Variants in ZNF181 observed in about 807,000 individuals in gnomAD.
ZNF181 encodes the protein zinc finger protein 181 (HHZ181).
In ZNF181, 8 loss-of-function variants were observed where a neutral mutation model predicts 11.9. The observed-to-expected ratio is 0.67, with a 90% CI of 0.39 to 1.21. ZNF181 has a LOEUF of 1.21. Among genes scored for constraint, ZNF181 ranks in the 50% most tolerant of loss-of-function variants. The pLI is 0.01. For missense variants in ZNF181, 542 were observed against 670.9 expected (o/e 0.81, Z 2.12); for synonymous variants, 202 against 221.1 (o/e 0.91, Z 0.77).
chr19:34,741,311 C>A lies in ZNF181; in HGVS notation c.930C>A (p.Asn310Lys). The change falls in exon 4 of 4, where the codon AAC becomes AAA. Residue 310 changes from asparagine to lysine, a missense_variant. Coordinates refer to ENST00000492450, the MANE Select transcript of ZNF181 (RefSeq NM_001029997.4). ...TTAGCCATGTCTCATCACTTACTAA[C>A]CATCAGAGCACTCACACTGGAGAGA... ...KAFSHVSSLT[N>K]HQSTHTGEKP... 1 of 1,613,862 alleles carries A rather than the reference C, an allele frequency of 6.2e-7. No individual in the cohort carries two copies. The highest frequency in any genetic ancestry group is 1.1e-5 in the South Asian group (1 of 91,070).
rs746230474 is a variant in ZNF181, at chr19:34,741,810, C to T, written c.1429C>T (p.Leu477Phe). 2.5e-6 allele frequency: 4 copies of T among 1,613,774 alleles called. No individual in the cohort carries two copies. The highest frequency in any genetic ancestry group is 3.4e-6 in the Non-Finnish European group (4 of 1,179,906). ...AGCCTTTAGTCATAGGTCATCCCTGCTTCAACATCACAGAATTCATACTGG... is the reference window on the plus strand; with the variant it reads ...AGCCTTTAGTCATAGGTCATCCCTGTTTCAACATCACAGAATTCATACTGG... ...GKAFSHRSSL[L>F]QHHRIHTGEK... The change falls in exon 4 of 4, where the codon CTT becomes TTT. Residue 477 changes from leucine (L) to phenylalanine (F), a missense_variant. Physicochemically the swap from Leu to Phe is conservative, Grantham distance 22 (BLOSUM62 0). Coordinates refer to ENST00000492450, the MANE Select transcript of ZNF181 (RefSeq NM_001029997.4).
intron 1 of ZNF181, among the ~76,000 whole-genome samples, chr19:34,737,196 CTG>C (rs922549129): frequency 5.3e-4 from 81 of 152,312 alleles, no homozygotes; most frequent in African/African-American, 1.9e-3. Context: ...AGTAATAAAA[CTG>C]TGTTCTTTTT....
intron 1 of ZNF181, chr19:34,736,277 C>G: frequency 1.5e-6 from 1 of 669,806 alleles, no homozygotes; most frequent in Non-Finnish European, 2.7e-6. Flanking sequence ...AATTGAAAAA[C>G]TGGTGTGGTG....
intron 2 of ZNF181, 111 bp from the exon 3 acceptor site, chr19:34,739,412 C>T (rs2068934884): frequency 3.2e-6 from 5 of 1,565,480 alleles, no homozygotes; most frequent in Admixed American, 3.5e-5. Flanking sequence ...CTGCCTGAAG[C>T]TTATCTTTCC....
At chr19:34,735,504 C>T (rs1214983196) in intron 1 of ZNF181, among the ~76,000 whole-genome samples, 5 of 152,118 alleles carry the variant, frequency 3.3e-5, no homozygotes, top group Non-Finnish European at 7.4e-5. Flanking sequence ...ACTACCACCC[C>T]GGTAGTGATA....
rs771879683 is a variant in ZNF181 at position 34,742,124 on chromosome 19, T to C, written c.*27T>C. The C allele has an allele frequency of 1.4e-5, 21 of 1,512,562 alleles. No homozygotes were observed. Among genetic ancestry groups the C allele is most frequent in the Non-Finnish European group, 1.8e-5 (20 of 1,132,806 alleles). The allele number at this position is 1,512,562 out of a possible 1,614,324, so 93.7% of individuals were successfully genotyped here. A position where few individuals can be genotyped will look rare whatever the true frequency, so the allele number is the denominator to read the frequency against. On this transcript the variant is annotated 3_prime_UTR_variant, in exon 4 of 4. Coordinates refer to ENST00000492450, the MANE Select transcript of ZNF181 (RefSeq NM_001029997.4). Reference sequence around the variant, plus strand: ...GCAGTGGTTATCATGGTAAATTTCCTAGATTCTCCCTTATTTAACATTAGA... The same window carrying C: ...GCAGTGGTTATCATGGTAAATTTCCCAGATTCTCCCTTATTTAACATTAGA...
At position 34,742,233 on chromosome 19, in the gene ZNF181, G is replaced by A. The variant is rs2068992069; in HGVS notation, c.*136G>A. 18 of 808,384 alleles carry A rather than the reference G, an allele frequency of 2.2e-5. No homozygotes were observed. The allele number at this position is 808,384 out of a possible 1,614,324, so 50.1% of individuals were successfully genotyped here. A position where few individuals can be genotyped will look rare whatever the true frequency, so the allele number is the denominator to read the frequency against. On this transcript the variant is annotated 3_prime_UTR_variant, in exon 4 of 4. Transcript: ENST00000492450. ...AAGATGCAGGCCAGTTTGTTTATTA[G>A]ACTTTATACTGTAGAGAAATCATAT...
intron 2 of ZNF181, 95 bp from the exon 3 acceptor site, chr19:34,739,428 G>A (rs2068935074): frequency 6.4e-6 from 10 of 1,573,104 alleles, no homozygotes; most frequent in Admixed American, 3.5e-5. Flanking sequence ...TTTCCATTTC[G>A]ATGAATACCC....
intron 1 of ZNF181, 34 bp from the exon 2 acceptor site, chr19:34,739,114 C>T (rs779772124): frequency 6.2e-7 from 1 of 1,612,780 alleles, no homozygotes; most frequent in East Asian, 2.2e-5. Flanking sequence ...GAGGCCTGGG[C>T]TATGGCTGAG....
At chr19:34,735,578 C>T (rs539121600) in intron 1 of ZNF181, among the ~76,000 whole-genome samples, 9 of 152,316 alleles carry the variant, frequency 5.9e-5, no homozygotes, top group Non-Finnish European at 8.8e-5. Context: ...CTGCCCTTAA[C>T]CCTCATCAGT....
In ZNF181 at chr19:34,741,390, A is replaced by G. The variant is rs752178130; in HGVS notation, c.1009A>G (p.Ile337Val). 11 of 1,613,778 alleles carry G rather than the reference A, an allele frequency of 6.8e-6. No homozygotes were observed. The Admixed American group carries it at 1.7e-4, about 24-fold the overall frequency. The part of the protein sequence containing the change: ...GKSFSRVSHL[I>V]EHLRIHTQEK... Reference sequence around the variant, plus strand: ...GTCTTTTAGTCGTGTGTCCCATCTTATTGAACATCTAAGAATTCATACTCA... The same window carrying G: ...GTCTTTTAGTCGTGTGTCCCATCTTGTTGAACATCTAAGAATTCATACTCA... Residue 337 changes from isoleucine to valine, a missense_variant, in exon 4 of 4, where the codon ATT becomes GTT. Ile to Val is a conservative substitution (Grantham distance 29, BLOSUM62 3). Transcript: ENST00000492450.
At chr19:34,738,547 TTTG>T (rs1333083546) in intron 1 of ZNF181, among the ~76,000 whole-genome samples, 6 of 151,896 alleles carry the variant, frequency 4.0e-5, no homozygotes, top group African/African-American at 1.5e-4. Flanking sequence ...TTTTTTTGTT[TTTG>T]TTTTTTTTTT....
chr19:34,741,280 A>G lies in ZNF181; in HGVS notation c.899A>G (p.Lys300Arg). Residue 300 changes from lysine to arginine, a missense_variant, in exon 4 of 4, where the codon AAG (lysine) becomes AGG (arginine). Physicochemically the swap from Lys to Arg is conservative, Grantham distance 26. Coordinates refer to ENST00000492450, the MANE Select transcript of ZNF181 (RefSeq NM_001029997.4). ...EKPYKCIECG[K>R]AFSHVSSLTN... ...CCTTACAAATGTATTGAATGTGGGA[A>G]GGCCTTTAGCCATGTCTCATCACTT... is the stretch of plus-strand genomic sequence containing the variant. 2 of 1,613,852 alleles carry G rather than the reference A, an allele frequency of 1.2e-6. No homozygotes were observed. The highest frequency in any genetic ancestry group is 2.2e-5 in the East Asian group (1 of 44,902).
At chr19:34,735,924 G>C in intron 1 of ZNF181, 2 of 466,336 alleles carry the variant, frequency 4.3e-6, no homozygotes, top group Non-Finnish European at 7.5e-6. Flanking sequence ...ACCTTCCCTC[G>C]CCTAGCACTT....
chr19:34,738,590 CTGGAGTGCAG>C (rs2068921666), intron 1 of ZNF181, among the ~76,000 whole-genome samples: 1 of 150,298 alleles, frequency 6.7e-6, no homozygotes, highest in Non-Finnish European at 1.5e-5. Flanking sequence ...ATTACCCAGG[CTGGAGTGCAG>C]TGGCGCAACC....
At chr19:34,738,710 C>T (rs1301116932) in intron 1 of ZNF181, among the ~76,000 whole-genome samples, 1 of 151,874 alleles carries the variant, frequency 6.6e-6, no homozygotes, top group African/African-American at 2.4e-5. Context: ...TTTTGTGAGC[C>T]TTAGTGGATC....
chr19:34,739,498 A>C, intron 2 of ZNF181, 25 bp from the exon 3 acceptor site: 4 of 1,613,682 alleles, frequency 2.5e-6, no homozygotes, highest in Non-Finnish European at 3.4e-6. Flanking sequence ...CCACGGCTTA[A>C]ACAATTCTGT....
rs1482214604 is a variant in ZNF181 at position 34,740,685 on chromosome 19, GTAA to G, written c.310_312del (p.Ile104del). On this transcript the variant is annotated inframe_deletion, in exon 4 of 4. Coordinates refer to ENST00000492450, the MANE Select transcript of ZNF181 (RefSeq NM_001029997.4). ...TTATGATGAAGATTCACCCCAAACAGTAATAATAGAAAAAGTTGTAAAACAAAG... is the reference window on the plus strand; with the variant it reads ...TTATGATGAAGATTCACCCCAAACAGTAATAGAAAAAGTTGTAAAACAAAG... 6.2e-7 allele frequency: 1 copy of G among 1,612,182 alleles called. No individual in the cohort carries two copies. Among genetic ancestry groups the G allele is most frequent in the Non-Finnish European group, 8.5e-7 (1 of 1,179,260 alleles).
In ZNF181 at chr19:34,738,453, G is replaced by A. The variant is rs149487537; in HGVS notation, c.10-695G>A. 2.8e-4 allele frequency among the ~76,000 whole-genome samples: 42 copies of A among 152,244 alleles called. No individual in the cohort carries two copies. The East Asian group carries it at 4.8e-3, about 18-fold the overall frequency. On this transcript the variant is annotated intron_variant, in intron 1 of 3. Coordinates refer to ENST00000492450, the MANE Select transcript of ZNF181 (RefSeq NM_001029997.4). ...TCTCACCTCTCAAAACTGTTACAGC[G>A]GCGATTAAGTTCAATACACGCGTTT...
Sources: gnomAD v4.1 joint callset for allele counts (sites outside exome capture counted in the v4.1 genomes callset) on GRCh38, gnomAD v4.1.1 for gene constraint, MANE v1.5 for transcripts, NCBI Gene and HGNC (gene_info 2026-07-23, HGNC 2026-07-21) for gene names.